Variants in GABBR2 observed in about 807,000 individuals in gnomAD.
GABBR2 encodes the protein gamma-aminobutyric acid type B receptor subunit 2.
A neutral mutation model predicts 105.6 loss-of-function variants in GABBR2; 23 were observed. The ratio of observed to expected loss-of-function variants is 0.22; its 90% confidence interval spans 0.16 to 0.31. The LOEUF (loss-of-function observed/expected upper bound fraction) is 0.31. Ranked by LOEUF, GABBR2 falls within the 10% of genes least tolerant of loss-of-function variation. The pLI is 1.00. For missense variants in GABBR2, 734 were observed against 1,245.5 expected (o/e 0.59, Z 6.18); for synonymous variants, 478 against 499.7 (o/e 0.96, Z 0.58).
chr9:98,408,452 C>T (rs370186209), intron 7 of GABBR2, among the ~76,000 whole-genome samples: 1 of 152,162 alleles, frequency 6.6e-6, no homozygotes, highest in Non-Finnish European at 1.5e-5. Context: ...ATCCCTGCTA[C>T]CCTAAGTATT....
chr9:98,540,075 G>A (rs1828262513), intron 3 of GABBR2, among the ~76,000 whole-genome samples: 1 of 152,126 alleles, frequency 6.6e-6, no homozygotes, highest in Non-Finnish European at 1.5e-5. Context: ...GCTTCTCTAT[G>A]AAGGCGGCCT....
intron 7 of GABBR2, among the ~76,000 whole-genome samples, chr9:98,443,366 G>A (rs1826066342): frequency 1.3e-5 from 2 of 152,144 alleles, no homozygotes; most frequent in Admixed American, 1.3e-4. Context: ...AGCTTTGGAA[G>A]GTTAGGCATC....
intron 1 of GABBR2, among the ~76,000 whole-genome samples, chr9:98,599,463 A>ACTGGT (rs1829286845): frequency 6.6e-6 from 1 of 152,222 alleles, no homozygotes; most frequent in Non-Finnish European, 1.5e-5. Flanking sequence ...CTGTTTAGCA[A>ACTGGT]ATGAACAGAG....
intron 1 of GABBR2, among the ~76,000 whole-genome samples, chr9:98,637,599 A>G (rs1045627684): frequency 3.3e-5 from 5 of 152,186 alleles, no homozygotes; most frequent in Admixed American, 1.3e-4. Flanking sequence ...ACAGGGAGGC[A>G]GGAGGGTGAG....
chr9:98,566,992 T>C (rs1828760557), intron 2 of GABBR2, among the ~76,000 whole-genome samples: 3 of 152,210 alleles, frequency 2.0e-5, no homozygotes, highest in Non-Finnish European at 2.9e-5. Context: ...GGAGCTCATT[T>C]TCAAATTCCC....
intron 3 of GABBR2, among the ~76,000 whole-genome samples, chr9:98,520,718 G>A (rs771287035): frequency 6.6e-5 from 10 of 152,188 alleles, no homozygotes; most frequent in Middle Eastern, 3.2e-3. Context: ...CACTTAAAGG[G>A]CATAACTTTG....
chr9:98,637,326 T>G (rs1829893952), intron 1 of GABBR2, among the ~76,000 whole-genome samples: 1 of 152,174 alleles, frequency 6.6e-6, no homozygotes, highest in African/African-American at 2.4e-5. Context: ...CTTTCTTGTG[T>G]TCCTGCCCTC....
intron 13 of GABBR2, among the ~76,000 whole-genome samples, chr9:98,357,824 C>T (rs1831514981): frequency 6.6e-6 from 1 of 152,086 alleles, no homozygotes; most frequent in South Asian, 2.1e-4. Context: ...AAGAAGTAAC[C>T]ACAATCTTGA....
chr9:98,312,978 G>A (rs552338812), intron 13 of GABBR2, among the ~76,000 whole-genome samples: 6 of 152,264 alleles, frequency 3.9e-5, no homozygotes, highest in South Asian at 2.1e-4. Context: ...TTGAGCTGCC[G>A]ACCTTAGGTG....
chr9:98,614,639 A>G (rs1227773591), intron 1 of GABBR2, among the ~76,000 whole-genome samples: 2 of 152,212 alleles, frequency 1.3e-5, no homozygotes, highest in Non-Finnish European at 2.9e-5. Context: ...TAAAAATACT[A>G]TAGATTGTTT....
At chr9:98,567,899 G>T (rs1236270119) in intron 2 of GABBR2, among the ~76,000 whole-genome samples, 1 of 152,194 alleles carries the variant, frequency 6.6e-6, no homozygotes, top group Non-Finnish European at 1.5e-5. Flanking sequence ...GGTGTTGGGT[G>T]GTGGATTTGC....
intron 1 of GABBR2, chr9:98,607,352 T>G: frequency 1.4e-6 from 1 of 731,110 alleles, no homozygotes; most frequent in Non-Finnish European, 2.5e-6. Context: ...CTTAAACCAT[T>G]GAATATTGAG....
intron 3 of GABBR2, 78 bp downstream of exon 3, chr9:98,541,794 CT>C: frequency 7.3e-7 from 1 of 1,364,916 alleles, no homozygotes; most frequent in Admixed American, 1.8e-5. Context: ...GTACCCATCC[CT>C]GACTAAACCA....
intron 6 of GABBR2, among the ~76,000 whole-genome samples, chr9:98,465,420 G>A (rs780908877): frequency 2.6e-5 from 4 of 152,118 alleles, no homozygotes; most frequent in African/African-American, 7.2e-5. Context: ...AAATGTGAAA[G>A]GTAAAACAAT....
At chr9:98,329,784 A>C (rs1253114207) in intron 13 of GABBR2, among the ~76,000 whole-genome samples, 1 of 152,054 alleles carries the variant, frequency 6.6e-6, no homozygotes, top group Non-Finnish European at 1.5e-5. Flanking sequence ...TCCAGGAGTC[A>C]ATGATGGCTA....
chr9:98,346,319 T>C (rs1316048825), intron 13 of GABBR2, among the ~76,000 whole-genome samples: 1 of 152,258 alleles, frequency 6.6e-6, no homozygotes, highest in African/African-American at 2.4e-5. Flanking sequence ...AGTTCTTTGT[T>C]GTCATTTCAA....
intron 1 of GABBR2, among the ~76,000 whole-genome samples, chr9:98,702,989 A>G (rs989817756): frequency 3.3e-5 from 5 of 152,184 alleles, no homozygotes; most frequent in African/African-American, 1.2e-4. Context: ...CTCATCATGA[A>G]AGGAGGGCAG....
At chr9:98,532,802 C>T (rs1828092290) in intron 3 of GABBR2, among the ~76,000 whole-genome samples, 1 of 152,062 alleles carries the variant, frequency 6.6e-6, no homozygotes, top group African/African-American at 2.4e-5. Flanking sequence ...TCAGTATTGC[C>T]CAATCCTGAA....
intron 13 of GABBR2, among the ~76,000 whole-genome samples, chr9:98,325,280 ATTCTTTTT>A (rs2131381346): frequency 9.1e-6 from 1 of 109,800 alleles, no homozygotes; most frequent in Admixed American, 9.2e-5. Flanking sequence ...TAGGACAGCA[ATTCTTTTT>A]TTTTTTTTTT....
Sources: gnomAD v4.1 joint callset for allele counts (sites outside exome capture counted in the v4.1 genomes callset) on GRCh38, gnomAD v4.1.1 for gene constraint, MANE v1.5 for transcripts, NCBI Gene and HGNC (gene_info 2026-07-23, HGNC 2026-07-21) for gene names.